The following BLTP1 variants were observed in gnomAD, a reference collection of about 807,000 sequenced individuals.
BLTP1 encodes the protein bridge-like lipid transfer protein family member 1.
chr4:122,331,846 A>G, the BLTP1 span: 2 of 851,548 alleles, frequency 2.3e-6, no homozygotes, highest in East Asian at 1.2e-4. Context: ...TGTATTATAC[A>G]TATTTCAGTT....
the BLTP1 span, among the ~76,000 whole-genome samples, chr4:122,272,919 C>T: frequency 6.6e-6 from 1 of 151,946 alleles, no homozygotes; most frequent in Non-Finnish European, 1.5e-5. Flanking sequence ...TGAAGATGCC[C>T]TATTATTTTA....
At chr4:122,244,516 G>GCAATAATATAATAATATTA in the BLTP1 span, 9 of 286,186 alleles carry the variant, frequency 3.1e-5, no homozygotes, top group Non-Finnish European at 4.7e-5. Flanking sequence ...TTATTATATT[G>GCAATAATATAATAATATTA]CAATAATATA....
At chr4:122,288,140 G>A in the BLTP1 span, among the ~76,000 whole-genome samples, 6 of 152,166 alleles carry the variant, frequency 3.9e-5, no homozygotes, top group Middle Eastern at 3.4e-3. Flanking sequence ...TGGCAAATTG[G>A]TTTATTAACT....
At chr4:122,209,572 G>A in the BLTP1 span, among the ~76,000 whole-genome samples, 1 of 152,180 alleles carries the variant, frequency 6.6e-6, no homozygotes. Flanking sequence ...TTGAACCCAG[G>A]AGGCGGAGGT....
At chr4:122,183,394 T>C in the BLTP1 span, 1 of 972,532 alleles carries the variant, frequency 1.0e-6, no homozygotes, top group Non-Finnish European at 1.2e-6. Context: ...CTAGAAATTC[T>C]AGAATCAGAG....
the BLTP1 span, chr4:122,197,240 A>G: frequency 1.3e-6 from 2 of 1,489,990 alleles, no homozygotes; most frequent in Non-Finnish European, 1.8e-6. Flanking sequence ...GCTCATATTT[A>G]GAAATTAATA....
the BLTP1 span, chr4:122,247,687 TTTC>T: frequency 4.8e-6 from 5 of 1,045,046 alleles, no homozygotes; most frequent in Non-Finnish European, 5.8e-6. Context: ...CTTTATAGTC[TTTC>T]TTATTTTTTA....
At chr4:122,349,692 A>G in the BLTP1 span, 8 of 1,558,256 alleles carry the variant, frequency 5.1e-6, no homozygotes, top group Non-Finnish European at 7.0e-6. The surrounding 1 kb of genome is among the most constrained non-coding windows in gnomAD (Gnocchi z 4.5). Context: ...TGTTCTCAAC[A>G]TATTGTCTAT....
chr4:122,257,074 A>G, the BLTP1 span: 1 of 192,444 alleles, frequency 5.2e-6, no homozygotes, highest in South Asian at 1.8e-4. Context: ...TCTGTAGTCT[A>G]CATTATAATT....
At chr4:122,200,131 A>G in the BLTP1 span, 1 of 903,870 alleles carries the variant, frequency 1.1e-6, no homozygotes, top group Non-Finnish European at 1.3e-6. Context: ...GTAAATTAAG[A>G]GAAAAATTCT....
the BLTP1 span, chr4:122,152,654 A>C: frequency 3.1e-6 from 3 of 983,230 alleles, no homozygotes; most frequent in African/African-American, 3.5e-5. Context: ...CTGGAACTCA[A>C]CCTGGTCGGA....
At chr4:122,359,657 C>A in the BLTP1 span, 6 of 1,612,718 alleles carry the variant, frequency 3.7e-6, no homozygotes, top group Non-Finnish European at 5.1e-6. Flanking sequence ...AAGATAGCAT[C>A]ACTTATACTA....
chr4:122,258,168 TATC>T, the BLTP1 span, among the ~76,000 whole-genome samples: 3 of 152,190 alleles, frequency 2.0e-5, no homozygotes, highest in South Asian at 2.1e-4. Flanking sequence ...TAATTTTTAT[TATC>T]ATGACCTATC....
chr4:122,163,072 TG>T, the BLTP1 span, among the ~76,000 whole-genome samples: 1 of 152,214 alleles, frequency 6.6e-6, no homozygotes, highest in Non-Finnish European at 1.5e-5. Context: ...TAAAGAAAAT[TG>T]TCCTTAGATT....
At chr4:122,317,380 C>G in the BLTP1 span, among the ~76,000 whole-genome samples, 1 of 151,104 alleles carries the variant, frequency 6.6e-6, no homozygotes, top group African/African-American at 2.4e-5. Flanking sequence ...TTTTTCACAA[C>G]TTATTTCTGA....
chr4:122,167,425 G>T, the BLTP1 span, among the ~76,000 whole-genome samples: 1 of 151,944 alleles, frequency 6.6e-6, no homozygotes. Flanking sequence ...AGCTCTTTTG[G>T]GTCTGGGACC....
At chr4:122,209,364 G>A in the BLTP1 span, 1 of 1,604,178 alleles carries the variant, frequency 6.2e-7, no homozygotes. Flanking sequence ...AGTGACACAG[G>A]CCAGGCACAG....
At chr4:122,279,485 A>G in the BLTP1 span, among the ~76,000 whole-genome samples, 1 of 152,120 alleles carries the variant, frequency 6.6e-6, no homozygotes, top group African/African-American at 2.4e-5. Context: ...TTCTTGCTTC[A>G]ATTTTAGCAG....
At chr4:122,357,875 GATT>G in the BLTP1 span, among the ~76,000 whole-genome samples, 1 of 152,064 alleles carries the variant, frequency 6.6e-6, no homozygotes, top group East Asian at 1.9e-4. Flanking sequence ...TAAAAATAAA[GATT>G]ATCAAACGAC....
Sources: allele counts gnomAD v4.1 joint callset (sites outside exome capture counted in the v4.1 genomes callset), GRCh38; gene constraint gnomAD v4.1.1; non-coding constraint Gnocchi (gnomAD v3.1); transcripts MANE v1.5; gene names NCBI Gene and HGNC (gene_info 2026-07-23, HGNC 2026-07-21).